VTI1A: variants seen among roughly 807,000 people sequenced by gnomAD.
VTI1A encodes the protein vesicle transport through interaction with t-SNAREs 1A, also known as vesicle transport through interaction with t-SNAREs homolog 1A.
A neutral mutation model predicts 34.9 loss-of-function variants in VTI1A; 22 were observed. The observed-to-expected ratio is 0.63, with a 90% confidence interval of 0.45 to 0.90. The LOEUF is 0.90. Among genes scored for constraint, VTI1A ranks in the 40% least tolerant of loss-of-function variants. The pLI is 0.00. For synonymous variants in VTI1A, 87 were observed against 97.3 expected, an observed-to-expected ratio of 0.89 and a Z score of 0.62; for missense variants, 268 against 275.6, an observed-to-expected ratio of 0.97 and a Z score of 0.20.
At chr10:112,653,492 T>G (rs998162430) in intron 5 of VTI1A, among the ~76,000 whole-genome samples, 1 of 152,196 alleles carries the variant, frequency 6.6e-6, no homozygotes, top group Non-Finnish European at 1.5e-5. Context: ...TGTAATCAGC[T>G]TAGGGATCAA....
At chr10:112,849,060 G>C in the VTI1A span, among the ~76,000 whole-genome samples, 2 of 152,190 alleles carry the variant, frequency 1.3e-5, no homozygotes, top group African/African-American at 4.8e-5. Context: ...CAACTTTGGA[G>C]GTCATGACAC....
At chr10:112,839,539 T>G in the VTI1A span, among the ~76,000 whole-genome samples, 1 of 128,950 alleles carries the variant, frequency 7.8e-6, no homozygotes. Flanking sequence ...GTTGGGAGGG[T>G]TGGGGGGAGC....
chr10:112,740,453 CTAATTTTTGTA>C (rs1188817198), intron 7 of VTI1A, among the ~76,000 whole-genome samples: 7 of 152,174 alleles, frequency 4.6e-5, no homozygotes, highest in African/African-American at 1.4e-4. Context: ...CAACACATGG[CTAATTTTTGTA>C]GTAGAGACAG....
At chr10:112,673,456 GCGCGTGCGCGCGCACACACACACACA>G (rs886268956) in intron 7 of VTI1A, among the ~76,000 whole-genome samples, 45 of 73,920 alleles carry the variant, frequency 6.1e-4, no homozygotes, top group African/African-American at 2.1e-3. Flanking sequence ...ACACACATGC[GCGCGTGCGCGCGCACACACACACACA>G]CGCACTCAGA....
chr10:112,602,701 C>G (rs1213380435), intron 5 of VTI1A, among the ~76,000 whole-genome samples: 1 of 152,148 alleles, frequency 6.6e-6, no homozygotes, highest in East Asian at 1.9e-4. Context: ...CAGCTACTAA[C>G]ATGTTTATAA....
rs904434456 is a variant in VTI1A, at chr10:112,767,938, A to G, written c.561-47352A>G. Among the ~76,000 whole-genome samples the G allele has an allele frequency of 7.5e-6, 1 of 133,204 alleles. No homozygotes were observed. The highest frequency in any genetic ancestry group is 1.6e-5 in the Non-Finnish European group (1 of 63,590). 87.4% of individuals were successfully genotyped at this position (133,204 alleles called of 152,430 possible). A position where few individuals can be genotyped will look rare whatever the true frequency, so the allele number is the denominator to read the frequency against. ...TCATGTGCCCAGAGGCACTAGTGTC[A>G]CAGAAGCCGGACACGTATTACTTCC... On this transcript the variant is annotated intron_variant, in intron 7 of 7. Coordinates refer to ENST00000393077, the MANE Select transcript of VTI1A (RefSeq NM_145206.4). This position sits in a 1 kb window ranked among gnomAD's most constrained non-coding sequence, Gnocchi z 4.0.
intron 5 of VTI1A, among the ~76,000 whole-genome samples, chr10:112,599,564 G>C (rs1297936612): frequency 6.6e-6 from 1 of 152,096 alleles, no homozygotes; most frequent in Non-Finnish European, 1.5e-5. Context: ...TTCTTTCCTT[G>C]CTTGATTTGC....
intron 5 of VTI1A, among the ~76,000 whole-genome samples, chr10:112,657,974 C>T (rs1424081339): frequency 2.0e-5 from 3 of 152,120 alleles, no homozygotes; most frequent in African/African-American, 7.2e-5. Context: ...AGTTGGGAGA[C>T]TTAGGATCAT....
chr10:112,708,511 T>A (rs536716619), intron 7 of VTI1A, among the ~76,000 whole-genome samples: 5 of 152,376 alleles, frequency 3.3e-5, no homozygotes, highest in South Asian at 2.1e-4. Flanking sequence ...AGGAAAACAC[T>A]CATCTCTAAT....
At chr10:112,533,249 C>T (rs1471435468) in intron 4 of VTI1A, among the ~76,000 whole-genome samples, 1 of 151,988 alleles carries the variant, frequency 6.6e-6, no homozygotes, top group African/African-American at 2.4e-5. Context: ...AAGTCGTTCC[C>T]CTTTATTTCA....
At chr10:112,848,543 T>C in the VTI1A span, among the ~76,000 whole-genome samples, 2 of 152,188 alleles carry the variant, frequency 1.3e-5, no homozygotes, top group Non-Finnish European at 2.9e-5. Context: ...GAAGTGATCA[T>C]ATTTAATATC....
chr10:112,741,298 T>G (rs1467028761), intron 7 of VTI1A, among the ~76,000 whole-genome samples: 1 of 152,004 alleles, frequency 6.6e-6, no homozygotes, highest in Non-Finnish European at 1.5e-5. Flanking sequence ...CTACTAAAAA[T>G]AGAAAAATTA....
intron 1 of VTI1A, among the ~76,000 whole-genome samples, chr10:112,457,649 A>G (rs1255174860): frequency 6.6e-6 from 1 of 152,198 alleles, no homozygotes; most frequent in Non-Finnish European, 1.5e-5. Context: ...CGTTAGAGAT[A>G]AAGATTTAGG....
intron 7 of VTI1A, among the ~76,000 whole-genome samples, chr10:112,706,565 G>T (rs1167443357): frequency 1.3e-5 from 2 of 152,160 alleles, no homozygotes; most frequent in African/African-American, 2.4e-5. Context: ...AATTAAGTAG[G>T]AAAGAGACAA....
chr10:112,769,655 G>A (rs1248823029), intron 7 of VTI1A, among the ~76,000 whole-genome samples: 2 of 152,162 alleles, frequency 1.3e-5, no homozygotes, highest in Admixed American at 6.5e-5. Flanking sequence ...TATCAGGCTT[G>A]CAAGCCAATG....
At chr10:112,473,853 G>T (rs748934191) in intron 3 of VTI1A, among the ~76,000 whole-genome samples, 6 of 152,248 alleles carry the variant, frequency 3.9e-5, no homozygotes, top group Non-Finnish European at 7.4e-5. Context: ...TGTTGTTTAT[G>T]ATTTTGGGGA....
intron 5 of VTI1A, among the ~76,000 whole-genome samples, chr10:112,592,001 G>T (rs368064288): frequency 6.6e-6 from 1 of 152,120 alleles, no homozygotes; most frequent in South Asian, 2.1e-4. Flanking sequence ...CAAATATGTC[G>T]TCTCTGGTCT....
rs938467018 is a variant in VTI1A, at chr10:112,627,932, A to G, written c.428-40286A>G. ...CTACTTGACCTATGATGGTCAGGGC[A>G]AGACTCTGAGGGATATTTAGGCAGA... On this transcript the variant is annotated intron_variant, in intron 5 of 7. Transcript: ENST00000393077. Among the ~76,000 whole-genome samples the G allele has an allele frequency of 3.9e-5, 6 of 152,328 alleles. 1 individual carries two copies. The highest frequency in any genetic ancestry group is 3.9e-4 in the Admixed American group (6 of 15,298).
chr10:112,548,382 A>G (rs2134287481), intron 5 of VTI1A, among the ~76,000 whole-genome samples: 1 of 151,056 alleles, frequency 6.6e-6, no homozygotes, highest in Non-Finnish European at 1.5e-5. Context: ...TTTCCATTAA[A>G]AAGTACTGAT....
Sources: allele counts gnomAD v4.1 joint callset (sites outside exome capture counted in the v4.1 genomes callset), GRCh38; gene constraint gnomAD v4.1.1; non-coding constraint Gnocchi (gnomAD v3.1); transcripts MANE v1.5; gene names NCBI Gene and HGNC (gene_info 2026-07-23, HGNC 2026-07-21).